NOL4L: variants seen among roughly 807,000 people sequenced by gnomAD.
The protein encoded by NOL4L is nucleolar protein 4-like.
Under a neutral mutation model 64.5 loss-of-function variants are expected in NOL4L, and 7 were observed. The ratio of observed to expected loss-of-function variants is 0.11; its 90% confidence interval spans 0.06 to 0.20. The LOEUF (loss-of-function observed/expected upper bound fraction) is 0.20. Ranked by LOEUF, NOL4L falls within the 10% of genes least tolerant of loss-of-function variation. The pLI, the probability that NOL4L is intolerant of heterozygous loss-of-function variation, is 1.00. For missense variants in NOL4L, 680 were observed against 967.1 expected (o/e 0.70, Z 3.94); for synonymous variants, 413 against 401.0 (o/e 1.03, Z -0.36).
Position 32,520,802 on chromosome 20 carries a change from C to G in NOL4L, c.589+9G>C, listed in dbSNP as rs915135121. ...CCGCCCTAGCCCTCCAGCACGCCAC[C>G]CCTGCTACCTTTGGGTTCCAGGCCA... On this transcript the variant is annotated intron_variant, in intron 3 of 10. Transcript: ENST00000621426. 9.2e-6 allele frequency: 14 copies of G among 1,522,356 alleles called. No individual in the cohort carries two copies. In the Middle Eastern group the frequency reaches 5.0e-4, roughly 55 times the overall value. 94.3% of individuals were successfully genotyped at this position (1,522,356 alleles called of 1,614,324 possible).
At chr20:32,560,444 G>C (rs1032507676) in intron 1 of NOL4L, among the ~76,000 whole-genome samples, 1 of 152,206 alleles carries the variant, frequency 6.6e-6, no homozygotes, top group African/African-American at 2.4e-5. Context: ...CCCCGACCCA[G>C]GTCTACCTGA....
chr20:32,455,613 A>G (rs988988268), intron 6 of NOL4L, among the ~76,000 whole-genome samples: 1 of 152,150 alleles, frequency 6.6e-6, no homozygotes, highest in Non-Finnish European at 1.5e-5. Context: ...GCCCACTGGT[A>G]GGGGTACGTA....
At chr20:32,509,939 G>A in intron 4 of NOL4L, 1 of 1,304,182 alleles carries the variant, frequency 7.7e-7, no homozygotes, top group Non-Finnish European at 1.0e-6. Context: ...CAGTGAGGAT[G>A]GCTACAGGAA....
At position 32,456,199 on chromosome 20, in the gene NOL4L, G is replaced by C; in HGVS notation, c.1038C>G (p.Gly346=). The C allele has an allele frequency of 6.2e-7, 1 of 1,606,964 alleles. No homozygotes were observed. Among genetic ancestry groups the C allele is most frequent in the Non-Finnish European group, 8.5e-7 (1 of 1,176,892 alleles). Reference sequence around the variant, plus strand: ...AGCCATCCGAGGGGTAGGAGGCTGTGCCAAGTGCCGTGGCCGGCGGGAGCT... The same window carrying C: ...AGCCATCCGAGGGGTAGGAGGCTGTCCCAAGTGCCGTGGCCGGCGGGAGCT... ...CDKLPPATAL[G]TASYPSDGCG... The change falls in exon 6 of 11, where the codon GGC becomes GGG. Residue 346 remains glycine, a synonymous_variant. Coordinates refer to ENST00000621426, the MANE Select transcript of NOL4L (RefSeq NM_001256798.2).
At chr20:32,528,006 A>T in intron 1 of NOL4L, 93 bp from the exon 2 acceptor site, 77 of 561,588 alleles carry the variant, frequency 1.4e-4, no homozygotes, top group Middle Eastern at 3.7e-4. Context: ...AGGACGGGCA[A>T]TGCCTCCGAC....
chr20:32,522,856 T>C (rs1002682706), intron 2 of NOL4L, among the ~76,000 whole-genome samples: 1 of 151,342 alleles, frequency 6.6e-6, no homozygotes, highest in Non-Finnish European at 1.5e-5. Context: ...CGGGGGAGGG[T>C]TGCACAGTCA....
intron 3 of NOL4L, among the ~76,000 whole-genome samples, chr20:32,516,852 T>C (rs2017688770): frequency 6.6e-6 from 1 of 152,228 alleles, no homozygotes; most frequent in South Asian, 2.1e-4. Flanking sequence ...ACCTGCCTAC[T>C]GAGGAAGAGT....
chr20:32,475,144 G>GCAGCA, intron 4 of NOL4L: 1 of 985,480 alleles, frequency 1.0e-6, no homozygotes, highest in Non-Finnish European at 1.2e-6. Flanking sequence ...GAAGCGGGCA[G>GCAGCA]CAGCACATGC....
chr20:32,550,574 C>T (rs2018786772), intron 1 of NOL4L, among the ~76,000 whole-genome samples: 1 of 152,010 alleles, frequency 6.6e-6, no homozygotes, highest in South Asian at 2.1e-4. Flanking sequence ...GGTGAAACTT[C>T]GTCTCTACTA....
chr20:32,584,104 C>CA (rs1159449601), intron 1 of NOL4L, among the ~76,000 whole-genome samples: 2 of 140,462 alleles, frequency 1.4e-5, no homozygotes, highest in Admixed American at 6.9e-5. Context: ...CTCCCCCCCC[C>CA]CCACCCCGCG....
intron 10 of NOL4L, chr20:32,450,433 T>G (rs1387043267): frequency 2.0e-5 from 3 of 152,326 alleles, no homozygotes; most frequent in Non-Finnish European, 4.4e-5. Flanking sequence ...TGACCAGATT[T>G]CTGCGTCAGT....
chr20:32,481,971 G>A (rs529789548), intron 4 of NOL4L, among the ~76,000 whole-genome samples: 6 of 148,690 alleles, frequency 4.0e-5, no homozygotes, highest in Non-Finnish European at 6.0e-5. Flanking sequence ...GGGCGGGGGG[G>A]GGGGAGCAGG....
rs372762886 is a variant in NOL4L, at chr20:32,519,008, A to G, written c.589+1803T>C. ...CAATGCCAGGTACAGGGACTAACCC[A>G]TATCTTGTCAGCCTTCTGATTAACC... On this transcript the variant is annotated intron_variant, in intron 3 of 10. Coordinates refer to ENST00000621426, the MANE Select transcript of NOL4L (RefSeq NM_001256798.2). Among the ~76,000 whole-genome samples the G allele has an allele frequency of 3.3e-5, 5 of 152,330 alleles. No individual in the cohort carries two copies. In the East Asian group the frequency reaches 7.7e-4, roughly 23 times the overall value.
chr20:32,517,147 TC>T (rs1555802178), intron 3 of NOL4L, among the ~76,000 whole-genome samples: 1 of 151,772 alleles, frequency 6.6e-6, no homozygotes, highest in Non-Finnish European at 1.5e-5. Context: ...GCTGTCCAGG[TC>T]CCCCCCACTC....
At chr20:32,508,002 C>T (rs960189967) in intron 4 of NOL4L, among the ~76,000 whole-genome samples, 1 of 152,168 alleles carries the variant, frequency 6.6e-6, no homozygotes, top group African/African-American at 2.4e-5. Context: ...CGGTGTGAGA[C>T]TACATCTCAA....
chr20:32,552,919 G>T (rs907076688), intron 1 of NOL4L, among the ~76,000 whole-genome samples: 2 of 152,128 alleles, frequency 1.3e-5, no homozygotes, highest in Non-Finnish European at 2.9e-5. Context: ...CAGGGGAATC[G>T]CTTGAATCTG....
intron 1 of NOL4L, among the ~76,000 whole-genome samples, chr20:32,542,634 G>A (rs2018674524): frequency 1.3e-5 from 2 of 151,784 alleles, no homozygotes; most frequent in Non-Finnish European, 1.5e-5. Flanking sequence ...GATTACAGGT[G>A]TGAGCCACTG....
chr20:32,537,182 T>C, intron 1 of NOL4L: 1 of 907,928 alleles, frequency 1.1e-6, no homozygotes, highest in South Asian at 5.1e-5. Context: ...TCTCCCGTAG[T>C]CCTCACAGAC....
chr20:32,495,085 C>A (rs554317536), intron 4 of NOL4L, among the ~76,000 whole-genome samples: 1 of 152,182 alleles, frequency 6.6e-6, no homozygotes, highest in Non-Finnish European at 1.5e-5. Context: ...ACCTGCTGTG[C>A]GTACTGTGGT....
Sources: allele counts gnomAD v4.1 joint callset (sites outside exome capture counted in the v4.1 genomes callset), GRCh38; gene constraint gnomAD v4.1.1; transcripts MANE v1.5; gene names NCBI Gene and HGNC (gene_info 2026-07-23, HGNC 2026-07-21).